Variants in TRIM22 observed in about 807,000 individuals in gnomAD.
TRIM22 encodes the protein E3 ubiquitin-protein ligase TRIM22.
A neutral mutation model predicts 53.6 loss-of-function variants in TRIM22; 45 were observed. The ratio of observed to expected loss-of-function variants is 0.84; its 90% CI spans 0.66 to 1.08. TRIM22 has a LOEUF of 1.08. TRIM22 is among the 50% of genes least tolerant of loss of function. The pLI, the probability that TRIM22 is intolerant of heterozygous loss-of-function variation, is 0.00. For synonymous variants in TRIM22, 225 were observed against 216.6 expected, an observed-to-expected ratio of 1.04 and a Z score of -0.34; for missense variants, 616 against 590.9, an observed-to-expected ratio of 1.04 and a Z score of -0.44.
At position 5,708,248 on chromosome 11, in the gene TRIM22, G is replaced by C. The variant is rs750679722; in HGVS notation, c.849G>C (p.Leu283=). 6.2e-7 allele frequency: 1 copy of C among 1,614,038 alleles called. No individual in the cohort carries two copies. The highest frequency in any genetic ancestry group is 1.3e-5 in the African/African-American group (1 of 74,922). Residue 283 remains leucine (L), a synonymous_variant, in exon 6 of 8, where the codon CTG becomes CTC. Coordinates refer to ENST00000379965, the MANE Select transcript of TRIM22 (RefSeq NM_006074.5). ...KLKSVFRVPD[L]SGMLQVLKEL... Reference sequence around the variant, plus strand: ...AGAGTGTATTCCGAGTACCAGATCTGAGTGGGATGCTGCAAGTTCTTAAAG... The same window carrying C: ...AGAGTGTATTCCGAGTACCAGATCTCAGTGGGATGCTGCAAGTTCTTAAAG...
chr11:5,704,791 TG>T (rs1334013223), intron 4 of TRIM22, among the ~76,000 whole-genome samples: 2 of 152,198 alleles, frequency 1.3e-5, no homozygotes, highest in Non-Finnish European at 2.9e-5. Context: ...TTAGTTATAG[TG>T]GTTATATGGT....
chr11:5,698,668 C>A, intron 4 of TRIM22, 123 bp downstream of exon 4: 2 of 764,748 alleles, frequency 2.6e-6, no homozygotes, highest in Non-Finnish European at 4.3e-6. Flanking sequence ...TCCTTTGGCC[C>A]GGCATGCCCC....
At chr11:5,690,409 C>T (rs1303721514) in intron 1 of TRIM22, among the ~76,000 whole-genome samples, 2 of 152,090 alleles carry the variant, frequency 1.3e-5, no homozygotes, top group African/African-American at 4.8e-5. Context: ...GTTGGCTAAA[C>T]ATTTTAACTT....
chr11:5,701,614 A>G (rs1470862958), intron 4 of TRIM22, among the ~76,000 whole-genome samples: 1 of 152,164 alleles, frequency 6.6e-6, no homozygotes, highest in African/African-American at 2.4e-5. Flanking sequence ...TGTAGCGGTA[A>G]TCATTTCCTG....
intron 1 of TRIM22, among the ~76,000 whole-genome samples, chr11:5,693,569 A>C (rs898950519): frequency 1.3e-5 from 2 of 151,756 alleles, no homozygotes; most frequent in Non-Finnish European, 2.9e-5. Context: ...AAAGACACCA[A>C]AAAATCACCC....
chr11:5,692,944 C>G (rs1033193828), intron 1 of TRIM22, among the ~76,000 whole-genome samples: 11 of 148,274 alleles, frequency 7.4e-5, no homozygotes, highest in Admixed American at 4.1e-4. Flanking sequence ...GGTGTGATCT[C>G]AGCTCACTGC....
Position 5,706,592 on chromosome 11 carries a change from A to AG in TRIM22, c.751dup, listed in dbSNP as rs867334011. The AG allele has an allele frequency of 6.2e-7, 1 of 1,612,370 alleles. No homozygotes were observed. The highest frequency in any genetic ancestry group is 1.3e-5 in the African/African-American group (1 of 74,864). The stretch of plus-strand genomic sequence containing the variant: ...GACTCATGTTTTCTATCTTTTCCCC[A>AG]GGATGTGATTGACGTCATGAAAAGG... On this transcript the variant is annotated splice_acceptor_variant, in intron 4 of 7. Coordinates refer to ENST00000379965, the MANE Select transcript of TRIM22 (RefSeq NM_006074.5). LOFTEE classifies it high-confidence loss of function.
chr11:5,699,368 C>CA lies in TRIM22; in HGVS notation c.750+829dup, dbSNP rs368324783. ...TGAAACCCCGTCTCTACTAAAAATA[C>CA]AAAAAATTAGCCGGGCGCGGTGGCG... On this transcript the variant is annotated intron_variant, in intron 4 of 7. Coordinates refer to ENST00000379965, the MANE Select transcript of TRIM22 (RefSeq NM_006074.5). 6.4e-5 allele frequency among the ~76,000 whole-genome samples: 9 copies of CA among 141,432 alleles called. 2 individuals are homozygous for CA. The highest frequency in any genetic ancestry group is 1.4e-4 in the African/African-American group (5 of 35,030). The allele number at this position is 141,432 out of a possible 152,430, so 92.8% of individuals were successfully genotyped here. A position where few individuals can be genotyped will look rare whatever the true frequency, so the allele number is the denominator to read the frequency against.
chr11:5,699,810 C>T (rs1427389052), intron 4 of TRIM22, among the ~76,000 whole-genome samples: 3 of 147,380 alleles, frequency 2.0e-5, no homozygotes, highest in East Asian at 4.0e-4. Context: ...TTCCTAATAA[C>T]TAACACTGCT....
At chr11:5,698,025 G>C in intron 3 of TRIM22, 1 of 319,804 alleles carries the variant, frequency 3.1e-6, no homozygotes, top group Non-Finnish European at 6.0e-6. Context: ...TTAAGATACA[G>C]AAAGGCAAAG....
At chr11:5,708,650 T>G (rs1278382990) in intron 7 of TRIM22, 47 bp downstream of exon 7, 1 of 1,559,768 alleles carries the variant, frequency 6.4e-7, no homozygotes, top group African/African-American at 1.4e-5. Context: ...AGAATTGTGG[T>G]TACTATTAGA....
chr11:5,697,024 G>C, intron 2 of TRIM22: 2 of 520,934 alleles, frequency 3.8e-6, no homozygotes, highest in South Asian at 3.2e-5. Context: ...TCTAGGAAAA[G>C]AATCAGGCTA....
At chr11:5,701,951 T>C (rs1853378745) in intron 4 of TRIM22, among the ~76,000 whole-genome samples, 1 of 151,968 alleles carries the variant, frequency 6.6e-6, no homozygotes, top group African/African-American at 2.4e-5. Context: ...TTTGCTTTTT[T>C]TTCCCTTCCT....
rs372793377 is a variant in TRIM22 at position 5,698,339 on chromosome 11, A to T, written c.544A>T (p.Lys182Ter). The T allele has an allele frequency of 1.8e-5, 29 of 1,614,078 alleles. No homozygotes were observed. Among genetic ancestry groups the T allele is most frequent in the African/African-American group, 2.7e-5 (2 of 74,942 alleles). Residue 182 changes from lysine (K) to a stop codon, truncating the protein, a stop_gained, in exon 4 of 8, where the codon AAG becomes TAG. Transcript: ENST00000379965. LOFTEE classifies it high-confidence loss of function. ...WKNYIQIERQ[K>*]ILKGFNEMRV... Reference sequence around the variant, plus strand: ...GAATTATATCCAGATCGAGAGACAGAAGATTCTGAAAGGGTTCAATGAAAT... The same window carrying T: ...GAATTATATCCAGATCGAGAGACAGTAGATTCTGAAAGGGTTCAATGAAAT...
intron 1 of TRIM22, among the ~76,000 whole-genome samples, chr11:5,695,787 CTG>C (rs1460933344): frequency 2.6e-5 from 4 of 152,196 alleles, no homozygotes; most frequent in Non-Finnish European, 5.9e-5. Context: ...AGAGAAAAGC[CTG>C]TGTGCAAGCC....
chr11:5,696,036 G>C, intron 1 of TRIM22, 131 bp from the exon 2 acceptor site: 3 of 484,548 alleles, frequency 6.2e-6, no homozygotes, highest in East Asian at 6.4e-5. Context: ...TCTGTCATTG[G>C]TTTATTCTTC....
chr11:5,708,567 G>C lies in TRIM22; in HGVS notation c.875-10G>C, dbSNP rs1394560321. On this transcript the variant is annotated splice_polypyrimidine_tract_variant and intron_variant, in intron 6 of 7. Coordinates refer to ENST00000379965, the MANE Select transcript of TRIM22 (RefSeq NM_006074.5). ...TTCTAACAACATCACTGAAACTTTT[G>C]TCGTTTCAGAGCTGACAGATGTCCA... 1.9e-6 allele frequency: 3 copies of C among 1,601,892 alleles called. No homozygotes were observed. In the Admixed American group the frequency reaches 5.3e-5, roughly 28 times the overall value.
chr11:5,693,322 G>T (rs1396803214), intron 1 of TRIM22, among the ~76,000 whole-genome samples: 1 of 151,454 alleles, frequency 6.6e-6, no homozygotes, highest in East Asian at 1.9e-4. Context: ...TTCTACATTC[G>T]CACCACCTTC....
Position 5,700,584 on chromosome 11 carries a change from C to CTTTTTTTTTTT in TRIM22, c.750+2050_750+2060dup, listed in dbSNP as rs756680023. Among the ~76,000 whole-genome samples, 32 of 29,922 alleles carry CTTTTTTTTTTT rather than the reference C, an allele frequency of 1.1e-3. 5 individuals are homozygous for CTTTTTTTTTTT. Among genetic ancestry groups the CTTTTTTTTTTT allele is most frequent in the African/African-American group, 3.2e-3 (25 of 7,748 alleles). The allele number at this position is 29,922 out of a possible 152,430, so 19.6% of individuals were successfully genotyped here. A position where few individuals can be genotyped will look rare whatever the true frequency, so the allele number is the denominator to read the frequency against. On this transcript the variant is annotated intron_variant, in intron 4 of 7. Transcript: ENST00000379965. ...TAAGTATGATGTTAGCTATAGGAGT[C>CTTTTTTTTTTT]TTTTTTTTTTTTTTTTTTTTTCAGA...
Sources: gnomAD v4.1 joint callset for allele counts (sites outside exome capture counted in the v4.1 genomes callset) on GRCh38, gnomAD v4.1.1 for gene constraint, MANE v1.5 for transcripts, NCBI Gene and HGNC (gene_info 2026-07-23, HGNC 2026-07-21) for gene names.